NFIB: variants seen among roughly 807,000 people sequenced by gnomAD.
NFIB encodes nuclear factor 1 B-type.
A neutral mutation model predicts 61.5 loss-of-function variants in NFIB; 11 were observed. The observed-to-expected ratio is 0.18, with a 90% CI of 0.11 to 0.30. NFIB has a LOEUF of 0.30. NFIB is among the 10% of genes least tolerant of loss of function. The probability of loss-of-function intolerance (pLI) is 1.00; values close to 1 mark genes in which losing one functional copy is unlikely to be tolerated. For synonymous variants in NFIB, 260 were observed against 216.5 expected (o/e 1.20, Z -1.76); for missense variants, 471 against 608.9 (o/e 0.77, Z 2.38).
At chr9:14,419,288 A>G in the NFIB span, among the ~76,000 whole-genome samples, 1 of 54,036 alleles carries the variant, frequency 1.9e-5, no homozygotes, top group Non-Finnish European at 3.7e-5. Context: ...CAGCACTGTT[A>G]AAAAAAAAAA....
chr9:14,128,214 T>C lies in NFIB; in HGVS notation c.926-2448A>G, dbSNP rs116576158. ...TCTATTCTGTCTTTCTTGTTATAGA[T>C]GATGCAATCACTTGCCATTCCAAAT... On this transcript the variant is annotated intron_variant, in intron 6 of 10. Transcript: ENST00000380953. Among the ~76,000 whole-genome samples the C allele has an allele frequency of 6.5e-3, 994 of 152,294 alleles. 10 individuals are homozygous for C. The highest frequency in any genetic ancestry group is 0.022 in the African/African-American group (919 of 41,558).
intron 2 of NFIB, among the ~76,000 whole-genome samples, chr9:14,288,152 CAT>C (rs1472042077): frequency 6.6e-6 from 1 of 151,900 alleles, no homozygotes; most frequent in African/African-American, 2.4e-5. Flanking sequence ...ATTATTGACA[CAT>C]GACAAATATA....
intron 1 of NFIB, among the ~76,000 whole-genome samples, chr9:14,360,235 C>T (rs1394900197): frequency 2.0e-5 from 3 of 152,152 alleles, no homozygotes; most frequent in African/African-American, 4.8e-5. Flanking sequence ...CTAAAGCATT[C>T]GATTCAGGAC....
intron 2 of NFIB, among the ~76,000 whole-genome samples, chr9:14,197,058 T>C (rs6474823): frequency 0.88 from 134,416 of 152,240 alleles, 59,582 homozygotes; most frequent in African/African-American, 0.94. Context: ...CTAAATATGA[T>C]AAAGATAGCA....
chr9:14,098,229 C>T (rs1325745759), intron 10 of NFIB, among the ~76,000 whole-genome samples: 2 of 152,088 alleles, frequency 1.3e-5, no homozygotes, highest in Non-Finnish European at 2.9e-5. Context: ...TTTGGTAACA[C>T]GCGCATGTTT....
intron 1 of NFIB, among the ~76,000 whole-genome samples, chr9:14,326,698 G>A (rs77340984): frequency 0.011 from 1,335 of 124,908 alleles, no homozygotes; most frequent in Admixed American, 0.013. Context: ...GTGGTTTACA[G>A]AAAAAAAAAA....
intron 1 of NFIB, among the ~76,000 whole-genome samples, chr9:14,351,470 T>A (rs976033325): frequency 5.3e-5 from 8 of 152,096 alleles, no homozygotes; most frequent in Non-Finnish European, 7.4e-5. Flanking sequence ...ACCAAGGGCA[T>A]CTCCCCTGTC....
chr9:14,088,986 A>G (rs924300003), intron 10 of NFIB, among the ~76,000 whole-genome samples: 1 of 152,220 alleles, frequency 6.6e-6, no homozygotes, highest in Non-Finnish European at 1.5e-5. Flanking sequence ...AAAATGGAAC[A>G]CAGCTTTTTT....
At chr9:14,364,240 G>C (rs1207305859) in intron 1 of NFIB, among the ~76,000 whole-genome samples, 2 of 152,150 alleles carry the variant, frequency 1.3e-5, no homozygotes, top group Non-Finnish European at 2.9e-5. Context: ...ATTTGGGAAT[G>C]TCTGAAGTGA....
chr9:14,249,225 G>A (rs185895086), intron 2 of NFIB, among the ~76,000 whole-genome samples: 6,369 of 151,906 alleles, frequency 0.042, 404 homozygotes, highest in African/African-American at 0.14. Context: ...GAGGATGGGG[G>A]TAGATATTAT....
At chr9:14,445,572 A>G in the NFIB span, among the ~76,000 whole-genome samples, 1 of 152,206 alleles carries the variant, frequency 6.6e-6, no homozygotes, top group African/African-American at 2.4e-5. Flanking sequence ...TTAGATGATC[A>G]TTCAACTTTT....
At chr9:14,482,933 T>G in the NFIB span, among the ~76,000 whole-genome samples, 1 of 152,218 alleles carries the variant, frequency 6.6e-6, no homozygotes, top group Non-Finnish European at 1.5e-5. Context: ...TTTGGATGCC[T>G]TCTGAAAGGA....
chr9:14,419,409 A>C, the NFIB span, among the ~76,000 whole-genome samples: 1 of 152,112 alleles, frequency 6.6e-6, no homozygotes, highest in Non-Finnish European at 1.5e-5. Flanking sequence ...AACCCCTGGA[A>C]ACAGGATTAA....
chr9:14,495,527 T>C, the NFIB span, among the ~76,000 whole-genome samples: 1 of 147,676 alleles, frequency 6.8e-6, no homozygotes, highest in Non-Finnish European at 1.5e-5. Context: ...GTCCAAGGCC[T>C]GATTTCCTGA....
chr9:14,273,810 G>A (rs924761406), intron 2 of NFIB, among the ~76,000 whole-genome samples: 1 of 152,084 alleles, frequency 6.6e-6, no homozygotes, highest in African/African-American at 2.4e-5. Context: ...AAACACAAAT[G>A]TTCACGTTTC....
At chr9:14,268,332 G>C (rs2057365785) in intron 2 of NFIB, among the ~76,000 whole-genome samples, 1 of 151,932 alleles carries the variant, frequency 6.6e-6, no homozygotes, top group Non-Finnish European at 1.5e-5. Flanking sequence ...CTACCCTCTG[G>C]AAACTCTCTA....
At chr9:14,324,932 A>G (rs2060735689) in intron 1 of NFIB, among the ~76,000 whole-genome samples, 1 of 152,126 alleles carries the variant, frequency 6.6e-6, no homozygotes, top group Non-Finnish European at 1.5e-5. Context: ...GGTCTTGCTA[A>G]TTTTTAGTTA....
At chr9:14,158,125 AACAAAACAAAAC>A (rs2043670421) in intron 3 of NFIB, among the ~76,000 whole-genome samples, 3 of 151,034 alleles carry the variant, frequency 2.0e-5, no homozygotes, top group Non-Finnish European at 4.4e-5. Flanking sequence ...AAAAAAAAAA[AACAAAACAAAAC>A]AAAAAAACAA....
the NFIB span, among the ~76,000 whole-genome samples, chr9:14,485,229 A>G: frequency 6.6e-6 from 1 of 152,242 alleles, no homozygotes; most frequent in East Asian, 1.9e-4. Flanking sequence ...CATCTTGTCC[A>G]ATAGTCAAAG....
Sources: gnomAD v4.1 joint callset for allele counts (sites outside exome capture counted in the v4.1 genomes callset) on GRCh38, gnomAD v4.1.1 for gene constraint, MANE v1.5 for transcripts, NCBI Gene and HGNC (gene_info 2026-07-23, HGNC 2026-07-21) for gene names.